The following LSM8 variants were observed in gnomAD, a reference collection of about 807,000 sequenced individuals.
LSM8 encodes the protein LSM8 U6 small nuclear RNA associated.
Under a neutral mutation model 15.0 loss-of-function variants are expected in LSM8, and 14 were observed. The observed-to-expected ratio is 0.93, with a 90% CI of 0.62 to 1.46. The LOEUF is 1.46. LSM8 is among the 40% of genes most tolerant of loss of function. The pLI, the probability that LSM8 is intolerant of heterozygous loss-of-function variation, is 0.00. For synonymous variants in LSM8, 50 were observed against 42.1 expected, an observed-to-expected ratio of 1.19 and a Z score of -0.73; for missense variants, 90 against 115.4, an observed-to-expected ratio of 0.78 and a Z score of 1.01.
In LSM8 at chr7:118,195,894, A is replaced by G. The variant is rs74723860; in HGVS notation, c.*3892A>G. On this transcript the variant is annotated 3_prime_UTR_variant, in exon 4 of 4. Transcript: ENST00000249299. ...ACCCATTAAATAGCATAGTGCTCCC[A>G]TTAAACTAGCGACAAATTCATTTAA... is the stretch of plus-strand genomic sequence containing the variant. 0.068 allele frequency among the ~76,000 whole-genome samples: 10,422 copies of G among 152,226 alleles called. 380 individuals are homozygous for G. Among genetic ancestry groups the G allele is most frequent in the East Asian group, 0.11 (565 of 5,180 alleles).
At chr7:118,191,697 G>A (rs1162865346) in intron 3 of LSM8, 1 of 488,704 alleles carries the variant, frequency 2.0e-6, no homozygotes. Context: ...GTAATAATGT[G>A]CCTTCAAATT....
At position 118,199,664 on chromosome 7, in the gene LSM8, C is replaced by T. The variant is rs912460924; in HGVS notation, c.*7662C>T. ...GTTCAACAATGAGAGTTACCAAATG[C>T]CAGACACTGCTAAGTGCTGGGAACT... On this transcript the variant is annotated 3_prime_UTR_variant, in exon 4 of 4. Coordinates refer to ENST00000249299, the MANE Select transcript of LSM8 (RefSeq NM_016200.5). 6.6e-6 allele frequency among the ~76,000 whole-genome samples: 1 copy of T among 152,036 alleles called. No individual in the cohort carries two copies.
intron 2 of LSM8, 83 bp downstream of exon 2, chr7:118,185,777 C>T: frequency 7.9e-7 from 1 of 1,264,738 alleles, no homozygotes; most frequent in South Asian, 1.2e-5. Flanking sequence ...ATCTCTAATG[C>T]CTAGACAGCA....
At chr7:118,184,540 C>G (rs4727860) in intron 1 of LSM8, 5,980 of 337,936 alleles carry the variant, frequency 0.018, 113 homozygotes, top group East Asian at 0.076. Context: ...TTCTTACTTA[C>G]TATTTCCCTA....
intron 2 of LSM8, 126 bp downstream of exon 2, chr7:118,185,820 C>A: frequency 1.3e-6 from 1 of 798,822 alleles, no homozygotes; most frequent in Non-Finnish European, 2.0e-6. Context: ...TATTATAATT[C>A]AGCTCTTTAT....
In LSM8 at chr7:118,195,669, T is replaced by C. The variant is rs901474926; in HGVS notation, c.*3667T>C. 2.6e-5 allele frequency among the ~76,000 whole-genome samples: 4 copies of C among 152,198 alleles called. No individual in the cohort carries two copies. The East Asian group carries it at 7.7e-4, about 29-fold the overall frequency. On this transcript the variant is annotated 3_prime_UTR_variant, in exon 4 of 4. Coordinates refer to ENST00000249299, the MANE Select transcript of LSM8 (RefSeq NM_016200.5). ...TCTTTCACATGTAAAGAGGAACCTC[T>C]CCATTCTGTACTTGTATAGTCATTA...
At position 118,199,888 on chromosome 7, in the gene LSM8, T is replaced by C. The variant is rs922684585; in HGVS notation, c.*7886T>C. Among the ~76,000 whole-genome samples, 5 of 152,160 alleles carry C rather than the reference T, an allele frequency of 3.3e-5. No homozygotes were observed. Among genetic ancestry groups the C allele is most frequent in the African/African-American group, 4.8e-5 (2 of 41,450 alleles). Reference sequence around the variant, plus strand: ...GGACTGAGTGGTGAATACGTTGATATAGCAATTTAATAAATGTGTTATTGT... The same window carrying C: ...GGACTGAGTGGTGAATACGTTGATACAGCAATTTAATAAATGTGTTATTGT... On this transcript the variant is annotated 3_prime_UTR_variant, in exon 4 of 4. Transcript: ENST00000249299.
At chr7:118,191,105 C>CA (rs200152361) in intron 3 of LSM8, 1,425 of 117,134 alleles carry the variant, frequency 0.012, 5 homozygotes, top group East Asian at 0.041. Flanking sequence ...AACTCTATCT[C>CA]AAAAAAAAAA....
chr7:118,194,738 A>G lies in LSM8; in HGVS notation c.*2736A>G, dbSNP rs1022912854. ...TTTGTAATGGCATGTGAACCAGACA[A>G]TTTAGTAGCCAGGGTTGTAAGGCAA... is the stretch of plus-strand genomic sequence containing the variant. On this transcript the variant is annotated 3_prime_UTR_variant, in exon 4 of 4. Transcript: ENST00000249299. Among the ~76,000 whole-genome samples the G allele has an allele frequency of 1.3e-5, 2 of 152,156 alleles. No homozygotes were observed. The highest frequency in any genetic ancestry group is 3.2e-3 in the Middle Eastern group (1 of 316).
rs1584711220 is a variant in LSM8 at position 118,199,297 on chromosome 7, C to T, written c.*7295C>T. Among the ~76,000 whole-genome samples the T allele has an allele frequency of 6.6e-6, 1 of 152,038 alleles. No individual in the cohort carries two copies. Among genetic ancestry groups the T allele is most frequent in the Non-Finnish European group, 1.5e-5 (1 of 68,006 alleles). ...AATTAGTGAGAAGGGAAGAGATGGC[C>T]TTCAATACTAGTGCAAAGTTAATAC... On this transcript the variant is annotated 3_prime_UTR_variant, in exon 4 of 4. Coordinates refer to ENST00000249299, the MANE Select transcript of LSM8 (RefSeq NM_016200.5).
rs182861279 is a variant in LSM8 at position 118,200,766 on chromosome 7, G to A, written c.*8764G>A. Among the ~76,000 whole-genome samples the A allele has an allele frequency of 6.4e-4, 98 of 152,058 alleles. No homozygotes were observed. Among genetic ancestry groups the A allele is most frequent in the African/African-American group, 2.1e-3 (88 of 41,506 alleles). ...ATTTACACTTTTTTCTCCTGTGACA[G>A]CATCTATTCCCAAGGCAATCAACAT... On this transcript the variant is annotated 3_prime_UTR_variant, in exon 4 of 4. Transcript: ENST00000249299.
chr7:118,193,552 T>C lies in LSM8; in HGVS notation c.*1550T>C, dbSNP rs1809023502. ...ATGTTAAGGGCTGTCTCTGGGAGAA[T>C]TAGAGAAGTTAGCTAGTATTGGCTA... On this transcript the variant is annotated 3_prime_UTR_variant, in exon 4 of 4. Coordinates refer to ENST00000249299, the MANE Select transcript of LSM8 (RefSeq NM_016200.5). 6.6e-6 allele frequency among the ~76,000 whole-genome samples: 1 copy of C among 152,060 alleles called. No individual in the cohort carries two copies. The highest frequency in any genetic ancestry group is 2.4e-5 in the African/African-American group (1 of 41,424).
chr7:118,188,454 A>G, intron 3 of LSM8, 49 bp downstream of exon 3: 2 of 1,549,692 alleles, frequency 1.3e-6, no homozygotes, highest in Non-Finnish European at 1.8e-6. Flanking sequence ...GCCTTACTTT[A>G]TGGAGAAGAG....
rs939882175 is a variant in LSM8, at chr7:118,193,358, A to G, written c.*1356A>G. On this transcript the variant is annotated 3_prime_UTR_variant, in exon 4 of 4. Transcript: ENST00000249299. Reference sequence around the variant, plus strand: ...AAGAAAAAATGAACAATTTGTATAAATTCTGGAATAGATCCTTATAGAGAG... The same window carrying G: ...AAGAAAAAATGAACAATTTGTATAAGTTCTGGAATAGATCCTTATAGAGAG... Among the ~76,000 whole-genome samples the G allele has an allele frequency of 6.6e-6, 1 of 152,152 alleles. No individual in the cohort carries two copies. The highest frequency in any genetic ancestry group is 1.5e-5 in the Non-Finnish European group (1 of 67,990).
Position 118,191,733 on chromosome 7 carries a change from A to G in LSM8, c.201-179A>G, listed in dbSNP as rs1808985050. 3 of 535,552 alleles carry G rather than the reference A, an allele frequency of 5.6e-6. No homozygotes were observed. In the South Asian group the frequency reaches 7.5e-5, roughly 13 times the overall value. 33.2% of individuals were successfully genotyped at this position (535,552 alleles called of 1,614,324 possible). A position where few individuals can be genotyped will look rare whatever the true frequency, so the allele number is the denominator to read the frequency against. On this transcript the variant is annotated intron_variant, in intron 3 of 3. Transcript: ENST00000249299. ...ATTTCTTGAGTTTTGTGACTTAAAT[A>G]TGCAGTTCACTGACTCACGCCAATG...
In LSM8 at chr7:118,185,694, GGTAA is replaced by G; in HGVS notation, c.72+3_72+6del. 1 of 1,609,244 alleles carries G rather than the reference GGTAA, an allele frequency of 6.2e-7. No homozygotes were observed. Among genetic ancestry groups the G allele is most frequent in the Non-Finnish European group, 8.5e-7 (1 of 1,176,444 alleles). On this transcript the variant is annotated splice_donor_variant and splice_donor_region_variant and intron_variant, in intron 2 of 3. Coordinates refer to ENST00000249299, the MANE Select transcript of LSM8 (RefSeq NM_016200.5). LOFTEE classifies it high-confidence loss of function. The stretch of plus-strand genomic sequence containing the variant: ...TTACATCAGATGGGAGAATGATTGT[GGTAA>G]GTCTTTGGAATTTTCATTCTCTGCT...
chr7:118,189,490 G>T (rs1418840211), intron 3 of LSM8: 1 of 152,394 alleles, frequency 6.6e-6, no homozygotes, highest in Non-Finnish European at 1.5e-5. Flanking sequence ...GGAAGTTGCA[G>T]TGAGCCGAGA....
chr7:118,198,958 A>G lies in LSM8; in HGVS notation c.*6956A>G, dbSNP rs145738584. Among the ~76,000 whole-genome samples the G allele has an allele frequency of 5.1e-3, 774 of 152,284 alleles. 7 individuals carry two copies. The highest frequency in any genetic ancestry group is 0.017 in the African/African-American group (714 of 41,546). ...AATATTTATGTGACTGAACCCTCAT[A>G]AAAACCCTGAACACCAAGGCTCAAG... On this transcript the variant is annotated 3_prime_UTR_variant, in exon 4 of 4. Transcript: ENST00000249299.
At position 118,203,457 on chromosome 7, in the gene LSM8, G is replaced by T. The variant is rs2115949379; in HGVS notation, c.*11455G>T. Among the ~76,000 whole-genome samples the T allele has an allele frequency of 6.6e-6, 1 of 151,838 alleles. No individual in the cohort carries two copies. The highest frequency in any genetic ancestry group is 1.9e-4 in the East Asian group (1 of 5,176). On this transcript the variant is annotated 3_prime_UTR_variant, in exon 4 of 4. Transcript: ENST00000249299. ...ACTTAAATTTTTTAAATAGAGTAATGGTTGTTTAGTAGAGATTAATATCTA... is the reference window on the plus strand; with the variant it reads ...ACTTAAATTTTTTAAATAGAGTAATTGTTGTTTAGTAGAGATTAATATCTA...
Sources: gnomAD v4.1 joint callset for allele counts (sites outside exome capture counted in the v4.1 genomes callset) on GRCh38, gnomAD v4.1.1 for gene constraint, MANE v1.5 for transcripts, NCBI Gene and HGNC (gene_info 2026-07-23, HGNC 2026-07-21) for gene names.